Variants in NOS1 observed in about 807,000 individuals in gnomAD.
NOS1 encodes nitric oxide synthase 1.
NOS1 carries 51 observed loss-of-function variants against 164.5 expected under a neutral mutation model. That is an observed-to-expected ratio of 0.31 (90% CI 0.25 to 0.39). The LOEUF is 0.39. Among genes scored for constraint, NOS1 ranks in the 10% least tolerant of loss-of-function variants. The probability of loss-of-function intolerance (pLI) is 1.00; values close to 1 mark genes in which losing one functional copy is unlikely to be tolerated. For missense variants in NOS1, 1,362 were observed against 1,885.6 expected, an observed-to-expected ratio of 0.72 and a Z score of 5.14; for synonymous variants, 719 against 745.8, an observed-to-expected ratio of 0.96 and a Z score of 0.59.
In NOS1 at chr12:117,278,092, T is replaced by C. The variant is rs780302954; in HGVS notation, c.1531A>G (p.Ile511Val). The part of the protein sequence containing the change: ...PANVQFTEIC[I>V]QQGWKPPRGR... ...CTAGGCGGTTTCCAGCCCTGCTGTA[T>C]GCATATCTGCAAGCAGACCCGGCCA... The change falls in exon 9 of 29, where the codon ATA becomes GTA. Residue 511 changes from isoleucine to valine, a missense_variant. Transcript: ENST00000317775. 53 of 1,612,186 alleles carry C rather than the reference T, an allele frequency of 3.3e-5. No individual in the cohort carries two copies. The highest frequency in any genetic ancestry group is 3.9e-5 in the Non-Finnish European group (46 of 1,179,010).
In NOS1 at chr12:117,243,521, T is replaced by A. The variant is rs1870357394; in HGVS notation, c.2824-86A>T. 6.9e-7 allele frequency: 1 copy of A among 1,454,854 alleles called. No homozygotes were observed. The highest frequency in any genetic ancestry group is 1.9e-5 in the Admixed American group (1 of 53,818). The allele number at this position is 1,454,854 out of a possible 1,614,324, so 90.1% of individuals were successfully genotyped here. ...GCTCCAAGTCATGGCATGTATCTCTTCATTCACCCATCCATCCATCTATCC... is the reference window on the plus strand; with the variant it reads ...GCTCCAAGTCATGGCATGTATCTCTACATTCACCCATCCATCCATCTATCC... On this transcript the variant is annotated intron_variant, in intron 18 of 28. Coordinates refer to ENST00000317775, the MANE Select transcript of NOS1 (RefSeq NM_000620.5). The surrounding 1 kb of genome is among the most constrained non-coding windows in gnomAD (Gnocchi z 4.3).
intron 3 of NOS1, among the ~76,000 whole-genome samples, chr12:117,295,923 C>T (rs505381): frequency 0.58 from 87,450 of 151,652 alleles, 26,066 homozygotes; most frequent in African/African-American, 0.72. Flanking sequence ...GCCACTGTGC[C>T]GGCTGTGATC....
chr12:117,221,461 T>C (rs1261636265), intron 26 of NOS1, among the ~76,000 whole-genome samples: 1 of 151,472 alleles, frequency 6.6e-6, no homozygotes, highest in Non-Finnish European at 1.5e-5. Flanking sequence ...TTTTTATATT[T>C]TTATTAGAGA....
Position 117,253,680 on chromosome 12 carries a change from A to G in NOS1, c.2606T>C (p.Leu869Pro), listed in dbSNP as rs142354668. The change falls in exon 17 of 29, where the codon CTC becomes CCC. Residue 869 changes from leucine (L) to proline (P), a missense_variant. By Grantham distance (98) the Leu-to-Pro change is moderately conservative (BLOSUM62 -3). Coordinates refer to ENST00000317775, the MANE Select transcript of NOS1 (RefSeq NM_000620.5). Reference sequence around the variant, plus strand: ...TCCAGCACTCTCAAAGTTGTCTCTGAGGTCGGGCCCATCGCCTGATGATTT... The same window carrying G: ...TCCAGCACTCTCAAAGTTGTCTCTGGGGTCGGGCCCATCGCCTGATGATTT... Reference protein sequence around the residue: ...SQKSSGDGPDLRDNFESAGPL... With the variant: ...SQKSSGDGPDPRDNFESAGPL... 3.5e-4 allele frequency: 561 copies of G among 1,613,996 alleles called. 1 individual carries two copies. In the East Asian group the frequency reaches 0.011, roughly 33 times the overall value.
chr12:117,360,131 G>T (rs1443983480), intron 1 of NOS1, among the ~76,000 whole-genome samples: 2 of 151,398 alleles, frequency 1.3e-5, no homozygotes, highest in Non-Finnish European at 3.0e-5. Flanking sequence ...CAGAACCCAG[G>T]GGAGTCACTG....
At chr12:117,252,533 G>A (rs985944561) in intron 17 of NOS1, among the ~76,000 whole-genome samples, 1 of 152,170 alleles carries the variant, frequency 6.6e-6, no homozygotes, top group African/African-American at 2.4e-5. Context: ...AACACCAAGA[G>A]TGAACCCTAA....
At chr12:117,305,095 T>C in intron 3 of NOS1, 1 of 985,020 alleles carries the variant, frequency 1.0e-6, no homozygotes, top group Non-Finnish European at 1.2e-6. Flanking sequence ...GGTTCCTCTT[T>C]GTGACATTAA....
intron 2 of NOS1, among the ~76,000 whole-genome samples, chr12:117,321,499 T>C (rs1160916191): frequency 6.6e-6 from 1 of 152,086 alleles, no homozygotes; most frequent in Admixed American, 6.5e-5. Flanking sequence ...CCCATGGCTC[T>C]TCCTCAGAAT....
chr12:117,247,303 TGG>T, intron 18 of NOS1, 43 bp downstream of exon 18: 1 of 1,488,624 alleles, frequency 6.7e-7, no homozygotes. Context: ...TTTGGGGGTG[TGG>T]GGAGCATTAC....
At chr12:117,305,736 T>TA (rs1179218947) in intron 3 of NOS1, among the ~76,000 whole-genome samples, 1 of 151,798 alleles carries the variant, frequency 6.6e-6, no homozygotes, top group African/African-American at 2.4e-5. Context: ...CTGAGAGGCA[T>TA]TTGGAAAATT....
intron 27 of NOS1, among the ~76,000 whole-genome samples, chr12:117,219,654 A>C (rs527978995): frequency 6.6e-6 from 1 of 152,066 alleles, no homozygotes; most frequent in East Asian, 1.9e-4. Context: ...GAATCTTTAA[A>C]AGTGTGTCTA....
intron 8 of NOS1, among the ~76,000 whole-genome samples, chr12:117,279,838 T>G (rs1873486988): frequency 6.6e-6 from 1 of 152,122 alleles, no homozygotes; most frequent in African/African-American, 2.4e-5. Context: ...AGTCCCCTCC[T>G]CATGAGAATA....
chr12:117,301,374 C>T (rs1873803435), intron 3 of NOS1, among the ~76,000 whole-genome samples: 1 of 152,220 alleles, frequency 6.6e-6, no homozygotes, highest in Admixed American at 6.5e-5. Flanking sequence ...AGTGTTCCAC[C>T]TGCCTCTGCC....
Position 117,227,567 on chromosome 12 carries a change from A to G in NOS1, c.3480T>C (p.Ser1160=). The change falls in exon 23 of 29, where the codon TCT becomes TCC. Residue 1160 remains serine (S), a synonymous_variant. Coordinates refer to ENST00000317775, the MANE Select transcript of NOS1 (RefSeq NM_000620.5). The part of the protein sequence containing the change: ...TIVEVLEEFP[S]IQMPATLLLT... ...GGAGCAGGGTGGCCGGCATCTGGAT[A>G]GATGGGAACTCCTCCAGCACCTCCA... 2 of 1,613,824 alleles carry G rather than the reference A, an allele frequency of 1.2e-6. No homozygotes were observed. The highest frequency in any genetic ancestry group is 1.7e-6 in the Non-Finnish European group (2 of 1,179,856).
chr12:117,355,475 G>A (rs571403805), intron 1 of NOS1, among the ~76,000 whole-genome samples: 7 of 152,140 alleles, frequency 4.6e-5, no homozygotes, highest in East Asian at 1.9e-4. Context: ...CGAAGGGCCC[G>A]GACAAGCAAA....
At chr12:117,215,925 T>C (rs1332989497) in intron 28 of NOS1, among the ~76,000 whole-genome samples, 2 of 141,656 alleles carry the variant, frequency 1.4e-5, no homozygotes, top group South Asian at 4.5e-4. Context: ...TCGCCCAGGC[T>C]GAAGTGCAGT....
chr12:117,330,551 G>A lies in NOS1; in HGVS notation c.519C>T (p.Pro173=). Residue 173 remains proline (P), a synonymous_variant, in exon 2 of 29, where the codon CCC becomes CCT. Transcript: ENST00000317775. This position sits in a 1 kb window ranked among gnomAD's most constrained non-coding sequence, Gnocchi z 4.6. The part of the protein sequence containing the change: ...YDDGQEAGSL[P]HANGLAPRPP... ...GCCTGGGGGCCAGGCCGTTGGCATG[G>A]GGGAGTGAGCCAGCCTCCTGCCCAT... The A allele has an allele frequency of 6.2e-7, 1 of 1,613,700 alleles. No homozygotes were observed. The highest frequency in any genetic ancestry group is 1.1e-5 in the South Asian group (1 of 91,072).
intron 26 of NOS1, among the ~76,000 whole-genome samples, chr12:117,221,123 A>C (rs1463199085): frequency 7.2e-6 from 1 of 139,304 alleles, no homozygotes; most frequent in Non-Finnish European, 1.5e-5. Flanking sequence ...TGGGCTGTTA[A>C]ATTTATTTTT....
At chr12:117,237,702 T>C (rs1355853792) in intron 20 of NOS1, among the ~76,000 whole-genome samples, 1 of 151,874 alleles carries the variant, frequency 6.6e-6, no homozygotes, top group Admixed American at 6.6e-5. Context: ...AAAATGTGCA[T>C]TCTTCAGTGA....
Sources: gnomAD v4.1 joint callset for allele counts (sites outside exome capture counted in the v4.1 genomes callset) on GRCh38, gnomAD v4.1.1 for gene constraint, Gnocchi (gnomAD v3.1) non-coding constraint, MANE v1.5 for transcripts, NCBI Gene and HGNC (gene_info 2026-07-23, HGNC 2026-07-21) for gene names.